LRRC4C: variants seen among roughly 807,000 people sequenced by gnomAD.
The protein encoded by LRRC4C is leucine-rich repeat-containing protein 4C.
In LRRC4C, 5 loss-of-function variants were observed where a neutral mutation model predicts 33.6. That is an observed-to-expected ratio of 0.15 (90% confidence interval 0.08 to 0.31). The LOEUF is 0.31. Ranked by LOEUF, LRRC4C falls within the 10% of genes least tolerant of loss-of-function variation. LRRC4C has a pLI of 1.00. For synonymous variants in LRRC4C, 329 were observed against 302.0 expected (o/e 1.09, Z -0.93); for missense variants, 560 against 796.7 (o/e 0.70, Z 3.58).
At chr11:41,229,213 G>A (rs1947674883) in intron 1 of LRRC4C, among the ~76,000 whole-genome samples, 1 of 152,056 alleles carries the variant, frequency 6.6e-6, no homozygotes, top group Non-Finnish European at 1.5e-5. Context: ...GTAAGAAAAG[G>A]AAGAGACACC....
intron 2 of LRRC4C, among the ~76,000 whole-genome samples, chr11:40,788,199 T>G (rs973305350): frequency 6.6e-6 from 1 of 152,202 alleles, no homozygotes; most frequent in Non-Finnish European, 1.5e-5. Flanking sequence ...ATTTCAAAAG[T>G]GTGCTTCCCC....
At chr11:40,517,224 G>T (rs1955596952) in intron 3 of LRRC4C, among the ~76,000 whole-genome samples, 1 of 152,120 alleles carries the variant, frequency 6.6e-6, no homozygotes, top group South Asian at 2.1e-4. Context: ...GTGAAATACG[G>T]AATAACATAA....
At chr11:41,384,144 A>G (rs1234468172) in intron 1 of LRRC4C, among the ~76,000 whole-genome samples, 1 of 151,976 alleles carries the variant, frequency 6.6e-6, no homozygotes, top group Non-Finnish European at 1.5e-5. Context: ...CTATTTTGCA[A>G]TAGATTCTTG....
chr11:40,298,105 G>A (rs956702401), intron 4 of LRRC4C, among the ~76,000 whole-genome samples: 4 of 152,198 alleles, frequency 2.6e-5, no homozygotes, highest in Non-Finnish European at 5.9e-5. Context: ...GTCTCTTACC[G>A]ACTATTCTTT....
intron 2 of LRRC4C, among the ~76,000 whole-genome samples, chr11:40,711,123 GA>G (rs1946441378): frequency 6.6e-6 from 1 of 152,182 alleles, no homozygotes. Flanking sequence ...CTAGGAAAGG[GA>G]AATCCCCCGA....
intron 2 of LRRC4C, among the ~76,000 whole-genome samples, chr11:40,780,429 G>A (rs187357772): frequency 3.9e-5 from 6 of 152,218 alleles, no homozygotes; most frequent in African/African-American, 1.4e-4. Flanking sequence ...AGATGACAAA[G>A]CAGGAATAAG....
At chr11:40,723,252 A>G (rs1947118502) in intron 2 of LRRC4C, among the ~76,000 whole-genome samples, 1 of 152,030 alleles carries the variant, frequency 6.6e-6, no homozygotes, top group Non-Finnish European at 1.5e-5. Context: ...GAAGAATTCA[A>G]GTAACCCCTG....
rs541886288 is a variant in LRRC4C at position 41,368,998 on chromosome 11, A to G, written c.-496+90433T>C. Among the ~76,000 whole-genome samples, 12 of 152,324 alleles carry G rather than the reference A, an allele frequency of 7.9e-5. No homozygotes were observed. In the South Asian group the frequency reaches 1.7e-3, roughly 21 times the overall value. On this transcript the variant is annotated intron_variant, in intron 1 of 6. Coordinates refer to ENST00000528697, the MANE Select transcript of LRRC4C (RefSeq NM_001258419.2). ...ACTTTCTATTTTTCTCTGTTACCAC[A>G]TGTGTTTTTCTCCAAATAAATCACT...
chr11:40,617,752 G>A (rs1458749531), intron 3 of LRRC4C, among the ~76,000 whole-genome samples: 2 of 151,528 alleles, frequency 1.3e-5, no homozygotes, highest in Non-Finnish European at 3.0e-5. Context: ...TACATGCCTA[G>A]GAAAAAATGG....
chr11:40,850,509 G>C lies in LRRC4C; in HGVS notation c.-407+83126C>G, dbSNP rs1953427123. ...CTGCTGCCTGCTCCTTTCTCTGGAA[G>C]CTTCCTCCCAGAGGGGCACCCACCA... On this transcript the variant is annotated intron_variant, in intron 2 of 6. Transcript: ENST00000528697. Among the ~76,000 whole-genome samples the C allele has an allele frequency of 2.0e-5, 3 of 152,178 alleles. No individual in the cohort carries two copies. The South Asian group carries it at 6.2e-4, about 32-fold the overall frequency.
intron 1 of LRRC4C, among the ~76,000 whole-genome samples, chr11:41,404,505 CAG>C (rs1346182624): frequency 8.3e-6 from 1 of 121,022 alleles, no homozygotes; most frequent in Non-Finnish European, 1.8e-5. Context: ...TGTATACACA[CAG>C]ACACACACAC....
At chr11:41,316,275 A>C (rs1478786801) in intron 1 of LRRC4C, among the ~76,000 whole-genome samples, 11 of 150,328 alleles carry the variant, frequency 7.3e-5, no homozygotes, top group African/African-American at 2.2e-4. Context: ...AAAAAAAAAA[A>C]AAAACAAAAA....
chr11:40,131,626 T>C (rs1462874354), intron 6 of LRRC4C, among the ~76,000 whole-genome samples: 1 of 152,172 alleles, frequency 6.6e-6, no homozygotes, highest in African/African-American at 2.4e-5. Flanking sequence ...TACCCTTCCG[T>C]GAAACTGCCT....
At chr11:41,082,299 G>T (rs988633753) in intron 1 of LRRC4C, among the ~76,000 whole-genome samples, 5 of 152,092 alleles carry the variant, frequency 3.3e-5, no homozygotes, top group Non-Finnish European at 7.4e-5. Context: ...TTGTAAATAC[G>T]CAGTTGCAAA....
At chr11:41,427,971 C>T (rs1955100681) in intron 1 of LRRC4C, among the ~76,000 whole-genome samples, 1 of 152,128 alleles carries the variant, frequency 6.6e-6, no homozygotes, top group South Asian at 2.1e-4. Context: ...TGTAATTTTC[C>T]TTTACCTACC....
intron 1 of LRRC4C, among the ~76,000 whole-genome samples, chr11:41,313,372 G>T (rs1002765757): frequency 1.3e-5 from 2 of 152,306 alleles, no homozygotes; most frequent in South Asian, 2.1e-4. Flanking sequence ...GTCATCTAGT[G>T]TCACTTTGTC....
intron 3 of LRRC4C, among the ~76,000 whole-genome samples, chr11:40,640,616 T>C: frequency 6.6e-6 from 1 of 152,152 alleles, no homozygotes; most frequent in East Asian, 1.9e-4. Flanking sequence ...TTTCTAAGTT[T>C]CTAATAATAA....
At chr11:41,001,266 G>A (rs944907706) in intron 1 of LRRC4C, among the ~76,000 whole-genome samples, 3 of 152,028 alleles carry the variant, frequency 2.0e-5, no homozygotes, top group African/African-American at 4.8e-5. Context: ...GTCCAGTATC[G>A]GTTTCCCCTT....
chr11:40,568,485 G>A (rs1434826714), intron 3 of LRRC4C, among the ~76,000 whole-genome samples: 1 of 152,204 alleles, frequency 6.6e-6, no homozygotes, highest in Non-Finnish European at 1.5e-5. Flanking sequence ...TGTTGTTGTT[G>A]TAAGCCATTA....
Sources: allele counts gnomAD v4.1 joint callset (sites outside exome capture counted in the v4.1 genomes callset), GRCh38; gene constraint gnomAD v4.1.1; transcripts MANE v1.5; gene names NCBI Gene and HGNC (gene_info 2026-07-23, HGNC 2026-07-21).